The following IQCH variants were observed in gnomAD, a reference collection of about 807,000 sequenced individuals.
IQCH encodes the protein IQ motif containing H.
In IQCH, 98 loss-of-function variants were observed where a neutral mutation model predicts 117.0. The ratio of observed to expected loss-of-function variants is 0.84; its 90% CI spans 0.71 to 0.99. IQCH has a LOEUF of 0.99. Ranked by LOEUF, IQCH falls within the 50% of genes least tolerant of loss-of-function variation. The pLI, the probability that IQCH is intolerant of heterozygous loss-of-function variation, is 0.00. For synonymous variants in IQCH, 412 were observed against 448.2 expected (o/e 0.92, Z 1.02); for missense variants, 1,102 against 1,243.8 (o/e 0.89, Z 1.72).
chr15:67,328,477 G>A (rs1267496310), intron 4 of IQCH, among the ~76,000 whole-genome samples: 2 of 152,066 alleles, frequency 1.3e-5, no homozygotes, highest in African/African-American at 2.4e-5. Context: ...AATGTAACAA[G>A]ATAAGTAAAA....
At chr15:67,434,999 A>ATTT (rs2082104536) in intron 16 of IQCH, among the ~76,000 whole-genome samples, 1 of 128,040 alleles carries the variant, frequency 7.8e-6, no homozygotes, top group Non-Finnish European at 1.7e-5. Flanking sequence ...TTTTTTTTTA[A>ATTT]TTTTTTTTAA....
At chr15:67,259,358 C>T (rs1324635727) in intron 1 of IQCH, among the ~76,000 whole-genome samples, 1 of 152,136 alleles carries the variant, frequency 6.6e-6, no homozygotes, top group Non-Finnish European at 1.5e-5. Flanking sequence ...TACATATTAC[C>T]TCATTTTCAT....
chr15:67,359,759 G>C lies in IQCH; in HGVS notation c.715-88G>C, dbSNP rs3743349. On this transcript the variant is annotated intron_variant, in intron 7 of 20. Transcript: ENST00000335894. The surrounding 1 kb of genome is among the most constrained non-coding windows in gnomAD (Gnocchi z 4.5). Reference sequence around the variant, plus strand: ...TGGCCCAGCGGGTAAAATGGGGAAGGGGGTGAGGCTCTGAGCCTTCTATTT... The same window carrying C: ...TGGCCCAGCGGGTAAAATGGGGAAGCGGGTGAGGCTCTGAGCCTTCTATTT... The C allele has an allele frequency of 0.24, 275,664 of 1,129,468 alleles. 37,398 individuals are homozygous for C. Among genetic ancestry groups the C allele is most frequent in the East Asian group, 0.49 (20,756 of 42,494 alleles). 70.0% of individuals were successfully genotyped at this position (1,129,468 alleles called of 1,614,324 possible). A position where few individuals can be genotyped will look rare whatever the true frequency, so the allele number is the denominator to read the frequency against.
At chr15:67,357,604 G>T (rs958407914) in intron 7 of IQCH, among the ~76,000 whole-genome samples, 183 bp downstream of exon 7, 2 of 152,192 alleles carry the variant, frequency 1.3e-5, no homozygotes, top group Non-Finnish European at 2.9e-5. Flanking sequence ...CTAGCATAAT[G>T]TTATTGGTGG....
intron 5 of IQCH, among the ~76,000 whole-genome samples, chr15:67,337,881 A>G (rs925553401): frequency 7.9e-5 from 12 of 152,242 alleles, no homozygotes; most frequent in African/African-American, 2.9e-4. Flanking sequence ...CTGGTTCCCA[A>G]AGGTTCTTCT....
rs930965231 is a variant in IQCH, at chr15:67,401,647, C to G, written c.2097+1342C>G. Among the ~76,000 whole-genome samples, 1 of 152,176 alleles carries G rather than the reference C, an allele frequency of 6.6e-6. No individual in the cohort carries two copies. ...AGTCAGGAGAGAGAGTTCCCTTTGA[C>G]AAATGTGACTGGTTTCCCCATGATC... On this transcript the variant is annotated intron_variant, in intron 14 of 20. Transcript: ENST00000335894. This position sits in a 1 kb window ranked among gnomAD's most constrained non-coding sequence, Gnocchi z 4.7.
In IQCH at chr15:67,426,930, A is replaced by AAGCTGTGATTGTACCACTGTACTCC. The variant is rs2081905862; in HGVS notation, c.2505+5357_2505+5381dup. 6.6e-6 allele frequency among the ~76,000 whole-genome samples: 1 copy of AAGCTGTGATTGTACCACTGTACTCC among 151,872 alleles called. No homozygotes were observed. The highest frequency in any genetic ancestry group is 2.4e-5 in the African/African-American group (1 of 41,342). ...GGGCCCGGGAGGTCAATGCTGCAAT[A>AAGCTGTGATTGTACCACTGTACTCC]AGCTGTGATTGTACCACTGTACTCC... is the stretch of plus-strand genomic sequence containing the variant. On this transcript the variant is annotated intron_variant, in intron 16 of 20. Coordinates refer to ENST00000335894, the MANE Select transcript of IQCH (RefSeq NM_001031715.3). This position sits in a 1 kb window ranked among gnomAD's most constrained non-coding sequence, Gnocchi z 5.1.
intron 6 of IQCH, among the ~76,000 whole-genome samples, chr15:67,347,740 T>TACAA (rs1969462215): frequency 6.7e-6 from 1 of 150,238 alleles, no homozygotes; most frequent in East Asian, 1.9e-4. Flanking sequence ...CAGTATTCTT[T>TACAA]ATGAAAATAG....
At position 67,453,628 on chromosome 15, in the gene IQCH, C is replaced by T. The variant is rs1361179420; in HGVS notation, c.2506-11499C>T. On this transcript the variant is annotated intron_variant, in intron 16 of 20. Coordinates refer to ENST00000335894, the MANE Select transcript of IQCH (RefSeq NM_001031715.3). This position sits in a 1 kb window ranked among gnomAD's most constrained non-coding sequence, Gnocchi z 5.8. ...TACCCGGCCATGTAAGGTGTCAGTC[C>T]GCCCCTACTGGGGGGTGCCTCCCAG... 3.9e-5 allele frequency among the ~76,000 whole-genome samples: 6 copies of T among 152,144 alleles called. No individual in the cohort carries two copies. Among genetic ancestry groups the T allele is most frequent in the Admixed American group, 1.3e-4 (2 of 15,278 alleles).
intron 6 of IQCH, among the ~76,000 whole-genome samples, chr15:67,350,218 A>T (rs184169322): frequency 6.6e-6 from 1 of 152,316 alleles, no homozygotes; most frequent in Non-Finnish European, 1.5e-5. Context: ...TACATGCACA[A>T]TACAGATGAA....
chr15:67,329,708 A>G (rs889680138), intron 4 of IQCH, among the ~76,000 whole-genome samples: 1 of 152,006 alleles, frequency 6.6e-6, no homozygotes, highest in Non-Finnish European at 1.5e-5. Flanking sequence ...GCCTTAAGCA[A>G]TCCTCCCACA....
intron 4 of IQCH, among the ~76,000 whole-genome samples, chr15:67,323,939 C>CTTTTTTTTTTTTTTTT (rs530534537): frequency 1.6e-5 from 1 of 64,366 alleles, no homozygotes; most frequent in Non-Finnish European, 2.8e-5. Context: ...TTAAGCATTT[C>CTTTTTTTTTTTTTTTT]TTTTTTTTTT....
At chr15:67,372,044 T>C in intron 8 of IQCH, 67 bp from the exon 9 acceptor site, 1 of 1,336,384 alleles carries the variant, frequency 7.5e-7, no homozygotes, top group South Asian at 1.4e-5. Flanking sequence ...AGTGTGTGTC[T>C]TGACCACTCA....
At position 67,491,315 on chromosome 15, in the gene IQCH, C is replaced by G. The variant is rs988698637; in HGVS notation, c.2861+1251C>G. Among the ~76,000 whole-genome samples the G allele has an allele frequency of 5.3e-5, 8 of 152,144 alleles. No individual in the cohort carries two copies. The highest frequency in any genetic ancestry group is 1.9e-4 in the African/African-American group (8 of 41,422). ...TCAACTTCCCTATCCAAAGCATAGT[C>G]CTTTGTTCTACCAAAGCATTATCAG... On this transcript the variant is annotated intron_variant, in intron 19 of 20. Transcript: ENST00000335894. This position sits in a 1 kb window ranked among gnomAD's most constrained non-coding sequence, Gnocchi z 4.9.
intron 3 of IQCH, among the ~76,000 whole-genome samples, chr15:67,272,453 A>G (rs967818937): frequency 2.6e-5 from 4 of 152,176 alleles, no homozygotes; most frequent in Non-Finnish European, 5.9e-5. Flanking sequence ...CTGGTCTAGT[A>G]TGTAGTTTAA....
intron 18 of IQCH, among the ~76,000 whole-genome samples, chr15:67,477,449 C>T (rs932438069): frequency 5.3e-5 from 8 of 152,298 alleles, no homozygotes; most frequent in Non-Finnish European, 1.0e-4. Context: ...GGCTGCCAGG[C>T]ACTGTCAGGG....
chr15:67,338,492 A>T (rs913055994), intron 5 of IQCH, among the ~76,000 whole-genome samples: 1 of 152,274 alleles, frequency 6.6e-6, no homozygotes, highest in East Asian at 1.9e-4. Context: ...CAAGCCACAG[A>T]AATATAAATA....
intron 15 of IQCH, among the ~76,000 whole-genome samples, chr15:67,418,619 C>T (rs983761250): frequency 7.2e-6 from 1 of 138,128 alleles, no homozygotes; most frequent in Admixed American, 7.7e-5. Flanking sequence ...ACTCTTGTTG[C>T]CCAGGCTGGA....
intron 12 of IQCH, 74 bp downstream of exon 12, chr15:67,389,080 C>A: frequency 8.9e-7 from 1 of 1,120,364 alleles, no homozygotes. Context: ...TAACTTGCAA[C>A]GCTCTGGTAC....
Sources: gnomAD v4.1 joint callset for allele counts (sites outside exome capture counted in the v4.1 genomes callset) on GRCh38, gnomAD v4.1.1 for gene constraint, Gnocchi (gnomAD v3.1) non-coding constraint, MANE v1.5 for transcripts, NCBI Gene and HGNC (gene_info 2026-07-23, HGNC 2026-07-21) for gene names.